Variants in FREM2 observed in about 807,000 individuals in gnomAD.
FREM2 encodes FRAS1 related extracellular matrix 2, also known as FRAS1-related extracellular matrix protein 2.
FREM2 carries 119 observed loss-of-function variants against 219.9 expected under a neutral mutation model. The ratio of observed to expected loss-of-function variants is 0.54; its 90% CI spans 0.47 to 0.63. The LOEUF (loss-of-function observed/expected upper bound fraction) is 0.63, where lower values mean the gene tolerates loss of function less well. Among genes scored for constraint, FREM2 ranks in the 30% least tolerant of loss-of-function variants. The pLI is 0.00. For synonymous variants in FREM2, 1,562 were observed against 1,522.8 expected, an observed-to-expected ratio of 1.03 and a Z score of -0.60; for missense variants, 4,030 against 3,993.6, an observed-to-expected ratio of 1.01 and a Z score of -0.25.
chr13:38,757,227 A>T (rs545783252), intron 2 of FREM2, among the ~76,000 whole-genome samples: 1 of 152,318 alleles, frequency 6.6e-6, no homozygotes, highest in East Asian at 1.9e-4. Flanking sequence ...GTATATATGT[A>T]ACCATATCAT....
At chr13:38,854,035 T>G (rs1405870338) in intron 11 of FREM2, among the ~76,000 whole-genome samples, 1 of 151,818 alleles carries the variant, frequency 6.6e-6, no homozygotes, top group East Asian at 1.9e-4. Flanking sequence ...TTTATAATGT[T>G]TATATTAAAA....
Position 38,880,591 on chromosome 13 carries a change from C to A in FREM2, c.9314C>A (p.Pro3105His). ...DGILPWELNS[P>H]SSAVSLVTVV... ...ATCCTCCCCTGGGAGCTCAACAGCC[C>A]CAGCTCTGCAGTCAGCCTGGTCACT... Residue 3105 changes from proline to histidine, a missense_variant, in exon 24 of 24, where the codon CCC (proline) becomes CAC (histidine). Transcript: ENST00000280481. 4 of 1,614,014 alleles carry A rather than the reference C, an allele frequency of 2.5e-6. No individual in the cohort carries two copies. The highest frequency in any genetic ancestry group is 3.4e-6 in the Non-Finnish European group (4 of 1,179,882).
Position 38,886,977 on chromosome 13 carries a change from T to C in FREM2, c.*6190T>C, listed in dbSNP as rs1878753111. The C allele has an allele frequency of 6.6e-6, 1 of 152,242 alleles. No homozygotes were observed. The highest frequency in any genetic ancestry group is 2.4e-5 in the African/African-American group (1 of 41,476). 9.4% of individuals were successfully genotyped at this position (152,242 alleles called of 1,614,324 possible). ...CATATTGGTGGATATTGACGTTTAT[T>C]CCTGGGAATCTAATTTTGCAAACAA... On this transcript the variant is annotated 3_prime_UTR_variant, in exon 24 of 24. Coordinates refer to ENST00000280481, the MANE Select transcript of FREM2 (RefSeq NM_207361.6).
At chr13:38,862,319 GAA>G (rs1877791181) in intron 15 of FREM2, among the ~76,000 whole-genome samples, 1 of 152,180 alleles carries the variant, frequency 6.6e-6, no homozygotes, top group Non-Finnish European at 1.5e-5. Context: ...CTGGGGATTG[GAA>G]GGGCAGGTGG....
chr13:38,726,566 GGA>G (rs749814446), intron 2 of FREM2, among the ~76,000 whole-genome samples: 2 of 152,152 alleles, frequency 1.3e-5, no homozygotes, highest in Admixed American at 6.5e-5. Context: ...TGTGGCATAG[GGA>G]GAGAGTGTAG....
chr13:38,813,498 CTCTCTCTCTCTCTCTCTCTCCT>C (rs1875589224), intron 6 of FREM2, among the ~76,000 whole-genome samples: 1 of 16,688 alleles, frequency 6.0e-5, no homozygotes, highest in African/African-American at 2.3e-4. Flanking sequence ...CTCTCTCTCT[CTCTCTCTCTCTCTCTCTCTCCT>C]CTCTCTCTCT....
Position 38,856,167 on chromosome 13 carries a change from A to G in FREM2, c.6967A>G (p.Ile2323Val), listed in dbSNP as rs139218292. The G allele has an allele frequency of 5.6e-6, 9 of 1,612,190 alleles. No individual in the cohort carries two copies. Among genetic ancestry groups the G allele is most frequent in the Non-Finnish European group, 7.6e-6 (9 of 1,178,364 alleles). Residue 2323 changes from isoleucine to valine, a missense_variant, in exon 12 of 24, where the codon ATC (isoleucine) becomes GTC (valine). This residue lies in a region of FREM2 where 3,102 missense variants were observed against 2,950.7 expected (regional missense o/e 1.05). Transcript: ENST00000280481. ...AGGGGAAACCCAGCACGTGGTTGAA[A>G]TCGAAGTTACCTTTGACGGGGTGAG... ...KEGETQHVVE[I>V]EVTFDGVREM...
chr13:38,758,134 G>A (rs1441282353), intron 2 of FREM2, among the ~76,000 whole-genome samples: 1 of 152,168 alleles, frequency 6.6e-6, no homozygotes, highest in Non-Finnish European at 1.5e-5. Flanking sequence ...GGATGATCCA[G>A]GGTGGGCTGC....
At chr13:38,760,225 C>A (rs912750698) in intron 2 of FREM2, among the ~76,000 whole-genome samples, 3 of 152,162 alleles carry the variant, frequency 2.0e-5, no homozygotes, top group African/African-American at 7.2e-5. Context: ...TGGGCCATCT[C>A]CCTGTCTTAC....
intron 4 of FREM2, among the ~76,000 whole-genome samples, chr13:38,779,088 T>C (rs1322272704): frequency 2.0e-5 from 3 of 152,124 alleles, no homozygotes; most frequent in Non-Finnish European, 4.4e-5. Context: ...AAAACTCATC[T>C]TAAAAATAAA....
chr13:38,816,226 A>G (rs1376607436), intron 6 of FREM2, among the ~76,000 whole-genome samples: 4 of 152,208 alleles, frequency 2.6e-5, no homozygotes, highest in Non-Finnish European at 5.9e-5. Context: ...TTCCAAAGTT[A>G]TCTTACGAGG....
intron 13 of FREM2, 135 bp from the exon 14 acceptor site, chr13:38,859,152 A>G (rs560759151): frequency 1.3e-6 from 1 of 794,216 alleles, no homozygotes; most frequent in Non-Finnish European, 2.2e-6. Flanking sequence ...CTGGGGATCA[A>G]AATTCGGAAG....
At chr13:38,874,068 A>G (rs1878259078) in intron 17 of FREM2, among the ~76,000 whole-genome samples, 1 of 152,216 alleles carries the variant, frequency 6.6e-6, no homozygotes, top group South Asian at 2.1e-4. Flanking sequence ...ATTTCTTGGG[A>G]AAGCTTCAGA....
chr13:38,697,101 G>C (rs1030750382), intron 1 of FREM2, among the ~76,000 whole-genome samples: 1 of 152,016 alleles, frequency 6.6e-6, no homozygotes, highest in East Asian at 1.9e-4. Flanking sequence ...TGTCCAGCCC[G>C]TTTCCACTTT....
intron 2 of FREM2, among the ~76,000 whole-genome samples, chr13:38,699,930 A>AG (rs1870276463): frequency 6.6e-6 from 1 of 152,122 alleles, no homozygotes. Flanking sequence ...AGGCATATCT[A>AG]TAAGTCATCC....
At chr13:38,768,979 C>G (rs1201564840) in intron 3 of FREM2, among the ~76,000 whole-genome samples, 1 of 152,160 alleles carries the variant, frequency 6.6e-6, no homozygotes, top group Non-Finnish European at 1.5e-5. Flanking sequence ...TCATGGAATT[C>G]TGGGGTGTTC....
chr13:38,709,640 A>C (rs995787338), intron 2 of FREM2, among the ~76,000 whole-genome samples: 7 of 152,174 alleles, frequency 4.6e-5, no homozygotes, highest in African/African-American at 4.8e-5. Context: ...GCTATATCAT[A>C]GTACAAATTG....
intron 2 of FREM2, among the ~76,000 whole-genome samples, chr13:38,716,339 G>A (rs1273025576): frequency 6.6e-6 from 1 of 151,990 alleles, no homozygotes; most frequent in Admixed American, 6.6e-5. Flanking sequence ...TGCAAAATTC[G>A]AATCAGCCTG....
At chr13:38,751,447 C>G (rs1041717093) in intron 2 of FREM2, among the ~76,000 whole-genome samples, 14 of 152,090 alleles carry the variant, frequency 9.2e-5, no homozygotes, top group Admixed American at 8.5e-4. Flanking sequence ...GAGCTTGACT[C>G]TTATTGCTGC....
Sources: allele counts gnomAD v4.1 joint callset (sites outside exome capture counted in the v4.1 genomes callset), GRCh38; gene constraint gnomAD v4.1.1; regional missense constraint gnomAD v4.1.1; transcripts MANE v1.5; gene names NCBI Gene and HGNC (gene_info 2026-07-23, HGNC 2026-07-21).